The following ANKRD29 variants were observed in gnomAD, a reference collection of about 807,000 sequenced individuals.
ANKRD29 encodes the protein ankyrin repeat domain 29.
In ANKRD29, 32 loss-of-function variants were observed where a neutral mutation model predicts 38.0. The ratio of observed to expected loss-of-function variants is 0.84; its 90% CI spans 0.64 to 1.13. ANKRD29 has a LOEUF of 1.13. Among genes scored for constraint, ANKRD29 ranks in the 50% most tolerant of loss-of-function variants. The pLI is 0.00. For missense variants in ANKRD29, 357 were observed against 377.9 expected (o/e 0.94, Z 0.46); for synonymous variants, 135 against 152.4 (o/e 0.89, Z 0.84).
rs193255727 is a variant in ANKRD29, at chr18:23,610,731, A to G, written c.822+1361T>C. 2.1e-4 allele frequency among the ~76,000 whole-genome samples: 32 copies of G among 152,342 alleles called. No individual in the cohort carries two copies. In the East Asian group the frequency reaches 5.2e-3, roughly 25 times the overall value. ...TACTCCGTCGTTCAGGGTGGATTGC[A>G]GTGGCGTGACCATGGCTCACTGCAC... is the stretch of plus-strand genomic sequence containing the variant. On this transcript the variant is annotated intron_variant, in intron 9 of 9. Transcript: ENST00000592179.
intron 3 of ANKRD29, among the ~76,000 whole-genome samples, 193 bp downstream of exon 3, chr18:23,645,996 A>G (rs1193307903): frequency 6.6e-6 from 1 of 152,200 alleles, no homozygotes; most frequent in Non-Finnish European, 1.5e-5. Flanking sequence ...GATATGCCCG[A>G]CAGGCTACGC....
At chr18:23,621,242 A>G (rs1287671268) in intron 6 of ANKRD29, among the ~76,000 whole-genome samples, 1 of 152,204 alleles carries the variant, frequency 6.6e-6, no homozygotes, top group Non-Finnish European at 1.5e-5. Context: ...TGATTCAGTT[A>G]TAGAATATAA....
chr18:23,661,314 T>C (rs1233466434), intron 1 of ANKRD29, among the ~76,000 whole-genome samples: 1 of 152,194 alleles, frequency 6.6e-6, no homozygotes, highest in African/African-American at 2.4e-5. Flanking sequence ...CTAATCAACA[T>C]CTCTGCTTGG....
intron 1 of ANKRD29, among the ~76,000 whole-genome samples, chr18:23,656,728 C>T (rs532921604): frequency 6.3e-4 from 96 of 152,250 alleles, no homozygotes; most frequent in Non-Finnish European, 9.1e-4. Context: ...AAAAATTTTA[C>T]AATAAAAGGT....
intron 9 of ANKRD29, among the ~76,000 whole-genome samples, chr18:23,605,817 G>A (rs910237536): frequency 3.3e-5 from 5 of 151,864 alleles, no homozygotes; most frequent in African/African-American, 9.7e-5. Flanking sequence ...ATGAGCCACC[G>A]CACCCAGCCA....
chr18:23,602,977 T>C (rs1413064697), intron 9 of ANKRD29, among the ~76,000 whole-genome samples: 1 of 152,232 alleles, frequency 6.6e-6, no homozygotes, highest in East Asian at 1.9e-4. Flanking sequence ...ACAATTGGAT[T>C]CTCATATCTC....
chr18:23,614,461 T>A, intron 8 of ANKRD29, among the ~76,000 whole-genome samples: 1 of 152,076 alleles, frequency 6.6e-6, no homozygotes, highest in East Asian at 1.9e-4. Context: ...ATAGAATTCA[T>A]TTTCATAGAT....
chr18:23,623,141 G>A (rs2059816952), intron 6 of ANKRD29, among the ~76,000 whole-genome samples: 1 of 152,178 alleles, frequency 6.6e-6, no homozygotes, highest in Non-Finnish European at 1.5e-5. Flanking sequence ...TTTATCATGA[G>A]AAACAATACG....
chr18:23,646,532 C>A (rs1244577821), intron 2 of ANKRD29: 1 of 401,692 alleles, frequency 2.5e-6, no homozygotes, highest in African/African-American at 2.0e-5. Flanking sequence ...CCTTCAGAAG[C>A]ACAGTCCAAA....
chr18:23,620,762 C>T (rs1177632886), intron 6 of ANKRD29, among the ~76,000 whole-genome samples: 1 of 152,122 alleles, frequency 6.6e-6, no homozygotes, highest in Non-Finnish European at 1.5e-5. Context: ...AGAGAAATGG[C>T]CGTGGGAGTT....
chr18:23,619,898 T>C (rs1256362516), intron 6 of ANKRD29: 1 of 441,426 alleles, frequency 2.3e-6, no homozygotes, highest in Non-Finnish European at 4.0e-6. Flanking sequence ...AAATCATCCA[T>C]TTTGTGGCTG....
chr18:23,629,903 C>G lies in ANKRD29; in HGVS notation c.478G>C (p.Val160Leu). 6.2e-7 allele frequency: 1 copy of G among 1,614,192 alleles called. No homozygotes were observed. The highest frequency in any genetic ancestry group is 8.5e-7 in the Non-Finnish European group (1 of 1,180,030). Residue 160 changes from valine (V) to leucine (L), a missense_variant, in exon 6 of 10, where the codon GTT becomes CTT. Transcript: ENST00000592179. ...FLAAQGGYLD[V>L]IRLLLASGAK... is the part of the protein sequence containing the mutation. Reference sequence around the variant, plus strand: ...CCTGAAGCCAGCAGTAATCGAATAACATCCAAGTAACCACCTTGGGCAGCT... The same window carrying G: ...CCTGAAGCCAGCAGTAATCGAATAAGATCCAAGTAACCACCTTGGGCAGCT...
intron 7 of ANKRD29, among the ~76,000 whole-genome samples, 184 bp from the exon 8 acceptor site, chr18:23,618,011 AAG>A (rs1391300317): frequency 1.3e-5 from 2 of 152,204 alleles, no homozygotes; most frequent in Non-Finnish European, 2.9e-5. Context: ...TTCTGCATGA[AAG>A]AGTATCAGAT....
At chr18:23,617,354 T>C (rs2059737088) in intron 8 of ANKRD29, among the ~76,000 whole-genome samples, 1 of 152,150 alleles carries the variant, frequency 6.6e-6, no homozygotes, top group South Asian at 2.1e-4. Context: ...TTATTTCACT[T>C]AAGGGAACAA....
chr18:23,604,872 A>G (rs7229637), intron 9 of ANKRD29, among the ~76,000 whole-genome samples: 1,574 of 152,300 alleles, frequency 0.01, 23 homozygotes, highest in African/African-American at 0.036. Flanking sequence ...AGTACACAGC[A>G]GAAGTGCTGT....
chr18:23,646,504 A>T (rs966899201), intron 2 of ANKRD29: 1 of 456,468 alleles, frequency 2.2e-6, no homozygotes, highest in African/African-American at 2.0e-5. Flanking sequence ...CGATGTAAAA[A>T]TTCACTTACT....
intron 1 of ANKRD29, among the ~76,000 whole-genome samples, chr18:23,660,604 G>A (rs1211232665): frequency 1.3e-5 from 2 of 152,092 alleles, no homozygotes; most frequent in Non-Finnish European, 2.9e-5. Context: ...TCAGGAGTTC[G>A]AGACCAGGCT....
At chr18:23,604,750 C>T (rs2059554941) in intron 9 of ANKRD29, among the ~76,000 whole-genome samples, 1 of 151,446 alleles carries the variant, frequency 6.6e-6, no homozygotes, top group South Asian at 2.1e-4. Flanking sequence ...AGGATGGTCT[C>T]GATTTCTTGA....
intron 1 of ANKRD29, among the ~76,000 whole-genome samples, chr18:23,655,281 C>T (rs2060264431): frequency 6.6e-6 from 1 of 151,668 alleles, no homozygotes; most frequent in Admixed American, 6.6e-5. Context: ...ACACTTCACT[C>T]CCTTTGGAAC....
Sources: gnomAD v4.1 joint callset for allele counts (sites outside exome capture counted in the v4.1 genomes callset) on GRCh38, gnomAD v4.1.1 for gene constraint, MANE v1.5 for transcripts, NCBI Gene and HGNC (gene_info 2026-07-23, HGNC 2026-07-21) for gene names.